The following VPS13B variants were observed in gnomAD, a reference collection of about 807,000 sequenced individuals.
The protein encoded by VPS13B is vacuolar protein sorting 13 homolog B, also known as intermembrane lipid transfer protein VPS13B.
Under a neutral mutation model 426.4 loss-of-function variants are expected in VPS13B, and 285 were observed. That is an observed-to-expected ratio of 0.67 (90% CI 0.61 to 0.74). The LOEUF (loss-of-function observed/expected upper bound fraction) is 0.74, where lower values mean the gene tolerates loss of function less well. Among genes scored for constraint, VPS13B ranks in the 30% least tolerant of loss-of-function variants. The probability of loss-of-function intolerance (pLI) is 0.00; values close to 1 mark genes in which losing one functional copy is unlikely to be tolerated. For synonymous variants in VPS13B, 1,676 were observed against 1,676.4 expected (o/e 1.00, Z 0.01); for missense variants, 4,537 against 4,782.6 (o/e 0.95, Z 1.51).
intron 23 of VPS13B, among the ~76,000 whole-genome samples, chr8:99,465,105 G>T (rs1427566687): frequency 2.6e-5 from 4 of 152,120 alleles, no homozygotes; most frequent in Admixed American, 2.6e-4. Context: ...TTGATAGAAA[G>T]CTATATGAAG....
intron 55 of VPS13B, among the ~76,000 whole-genome samples, chr8:99,852,655 G>A (rs1816350030): frequency 6.6e-6 from 1 of 152,190 alleles, no homozygotes; most frequent in African/African-American, 2.4e-5. Flanking sequence ...GTTTTATTAG[G>A]CTGGGGATGG....
At chr8:99,121,040 T>A in intron 7 of VPS13B, 137 bp from the exon 8 acceptor site, 1 of 722,622 alleles carries the variant, frequency 1.4e-6, no homozygotes, top group South Asian at 2.0e-5. Flanking sequence ...TGGTTTCAAA[T>A]AGTAATAATC....
At chr8:99,174,781 A>G (rs901568520) in intron 16 of VPS13B, among the ~76,000 whole-genome samples, 3 of 152,146 alleles carry the variant, frequency 2.0e-5, no homozygotes, top group African/African-American at 7.2e-5. Flanking sequence ...CCTCATGGCA[A>G]TAGAGAATAA....
At chr8:99,412,180 AGTATGGAATGTTTTTCCATTT>A (rs766588381) in intron 21 of VPS13B, among the ~76,000 whole-genome samples, 97 of 152,342 alleles carry the variant, frequency 6.4e-4, no homozygotes, top group African/African-American at 1.4e-3. Flanking sequence ...CCTATCCATG[AGTATGGAATGTTTTTCCATTT>A]GTATGGAATG....
chr8:99,730,853 A>G lies in VPS13B; in HGVS notation c.7050+9806A>G, dbSNP rs184401802. On this transcript the variant is annotated intron_variant, in intron 39 of 61. Transcript: ENST00000357162. Reference sequence around the variant, plus strand: ...TTCAGGAGGGACAAGTACATAAAACATGACAGGGCAGAACCTGTGACATGC... The same window carrying G: ...TTCAGGAGGGACAAGTACATAAAACGTGACAGGGCAGAACCTGTGACATGC... Among the ~76,000 whole-genome samples, 926 of 152,132 alleles carry G rather than the reference A, an allele frequency of 6.1e-3. 7 individuals carry two copies. The highest frequency in any genetic ancestry group is 0.021 in the African/African-American group (869 of 41,462).
chr8:99,697,990 G>A (rs1174883911), intron 35 of VPS13B: 7 of 407,464 alleles, frequency 1.7e-5, no homozygotes, highest in Non-Finnish European at 4.7e-6. Context: ...AGAAGACTGA[G>A]AAGGAGGCCG....
chr8:99,416,023 C>T (rs754819967), intron 21 of VPS13B, among the ~76,000 whole-genome samples: 57 of 152,352 alleles, frequency 3.7e-4, no homozygotes, highest in Non-Finnish European at 5.0e-4. Flanking sequence ...ACAGCCGCAC[C>T]TTCCTGCAGG....
rs2132728101 is a variant in VPS13B at position 99,192,921 on chromosome 8, TC to T, written c.2381del (p.Pro794GlnfsTer33). ...CTATAACTGAAGGTATATTTGAACT[TC>T]CAAATCTCACAATTCAAGCTACAAG... Reference protein sequence around the residue: ...IAITEGIFELPNLTIQATRAQ... With the variant: ...IAITEGIFELXNLTIQATRAQ... On this transcript the variant is annotated frameshift_variant, in exon 17 of 62. Coordinates refer to ENST00000357162, the MANE Select transcript of VPS13B (RefSeq NM_152564.5). LOFTEE classifies it high-confidence loss of function. 6.2e-7 allele frequency: 1 copy of T among 1,613,472 alleles called. No homozygotes were observed. The highest frequency in any genetic ancestry group is 1.3e-5 in the African/African-American group (1 of 75,016).
At position 99,283,767 on chromosome 8, in the gene VPS13B, A is replaced by G. The variant is rs552539527; in HGVS notation, c.2824+8513A>G. Among the ~76,000 whole-genome samples, 4 of 152,356 alleles carry G rather than the reference A, an allele frequency of 2.6e-5. No individual in the cohort carries two copies. The East Asian group carries it at 7.7e-4, about 29-fold the overall frequency. ...AAATGTTAAAGATGTTACGCATAAA[A>G]GTAAGTTTACTGATTTCTTTACCAT... On this transcript the variant is annotated intron_variant, in intron 19 of 61. Coordinates refer to ENST00000357162, the MANE Select transcript of VPS13B (RefSeq NM_152564.5).
At chr8:99,858,928 G>A (rs771597656) in intron 56 of VPS13B, among the ~76,000 whole-genome samples, 7 of 152,202 alleles carry the variant, frequency 4.6e-5, no homozygotes, top group East Asian at 1.9e-4. Flanking sequence ...CCGCTGTCCC[G>A]GGGAGGCTTT....
intron 19 of VPS13B, among the ~76,000 whole-genome samples, chr8:99,311,961 T>C (rs776334266): frequency 6.6e-6 from 1 of 152,210 alleles, no homozygotes; most frequent in Non-Finnish European, 1.5e-5. Context: ...TTTGTTGGTT[T>C]AAAGTCTGTT....
At chr8:99,809,885 G>A (rs887647119) in intron 44 of VPS13B, among the ~76,000 whole-genome samples, 1 of 152,158 alleles carries the variant, frequency 6.6e-6, no homozygotes, top group South Asian at 2.1e-4. Context: ...TGGGAACCCT[G>A]GATAATCCAC....
intron 21 of VPS13B, among the ~76,000 whole-genome samples, chr8:99,403,235 T>C (rs528976020): frequency 6.6e-6 from 1 of 152,150 alleles, no homozygotes; most frequent in Non-Finnish European, 1.5e-5. Flanking sequence ...TGAACTCACA[T>C]ACTTAATTCT....
At chr8:99,864,030 G>A (rs1247770995) in intron 58 of VPS13B, among the ~76,000 whole-genome samples, 1 of 152,118 alleles carries the variant, frequency 6.6e-6, no homozygotes, top group East Asian at 1.9e-4. Flanking sequence ...AAGACTTCAA[G>A]GACTTCCTTT....
chr8:99,468,335 A>G (rs1819221342), intron 24 of VPS13B, among the ~76,000 whole-genome samples: 1 of 152,080 alleles, frequency 6.6e-6, no homozygotes, highest in African/African-American at 2.4e-5. Context: ...GTATGCAACT[A>G]ATTATTTGTG....
Position 99,871,631 on chromosome 8 carries a change from G to A in VPS13B, c.11679G>A (p.Gln3893=), listed in dbSNP as rs779149986. 1.2e-5 allele frequency: 19 copies of A among 1,614,090 alleles called. No individual in the cohort carries two copies. In the East Asian group the frequency reaches 4.2e-4, roughly 36 times the overall value. The change falls in exon 61 of 62, where the codon CAG becomes CAA. Residue 3893 remains glutamine, a synonymous_variant. Transcript: ENST00000357162. ...CCGTCACAGAAATCGACTGTGCACA[G>A]GACAGCAAGCAGAACAACTTACTCA... The part of the protein sequence containing the change: ...AFPVTEIDCA[Q]DSKQNNLLTV...
At chr8:99,356,460 C>T (rs530093097) in intron 19 of VPS13B, among the ~76,000 whole-genome samples, 95 of 152,178 alleles carry the variant, frequency 6.2e-4, no homozygotes, top group African/African-American at 2.1e-3. Flanking sequence ...CCAGCCTGGA[C>T]AACATGGTGA....
chr8:99,140,261 A>G (rs2132571297), intron 12 of VPS13B, among the ~76,000 whole-genome samples: 1 of 149,608 alleles, frequency 6.7e-6, no homozygotes, highest in Middle Eastern at 3.4e-3. Context: ...GCTACTTGGG[A>G]GGCTGAGGCA....
chr8:99,533,631 C>G (rs577473430), intron 30 of VPS13B, among the ~76,000 whole-genome samples: 1 of 152,256 alleles, frequency 6.6e-6, no homozygotes, highest in African/African-American at 2.4e-5. Context: ...ACAAGATTAA[C>G]ATTCTTTTAT....
Sources: gnomAD v4.1 joint callset for allele counts (sites outside exome capture counted in the v4.1 genomes callset) on GRCh38, gnomAD v4.1.1 for gene constraint, MANE v1.5 for transcripts, NCBI Gene and HGNC (gene_info 2026-07-23, HGNC 2026-07-21) for gene names.